The following PRSS12 variants were observed in gnomAD, a reference collection of about 807,000 sequenced individuals.
PRSS12 encodes the protein neurotrypsin.
A neutral mutation model predicts 104.4 loss-of-function variants in PRSS12; 85 were observed. That is an observed-to-expected ratio of 0.81 (90% CI 0.68 to 0.98). PRSS12 has a LOEUF of 0.98. Among genes scored for constraint, PRSS12 ranks in the 50% least tolerant of loss-of-function variants. PRSS12 has a pLI of 0.00. For synonymous variants in PRSS12, 454 were observed against 425.2 expected (o/e 1.07, Z -0.83); for missense variants, 1,141 against 1,139.2 (o/e 1.00, Z -0.02).
intron 7 of PRSS12, among the ~76,000 whole-genome samples, chr4:118,309,882 T>A (rs1313120608): frequency 6.6e-6 from 1 of 152,228 alleles, no homozygotes; most frequent in Non-Finnish European, 1.5e-5. Flanking sequence ...TCTATTTTTA[T>A]TCTTCTGACC....
chr4:118,307,120 T>A (rs992600744), intron 8 of PRSS12, among the ~76,000 whole-genome samples: 1 of 152,150 alleles, frequency 6.6e-6, no homozygotes, highest in Admixed American at 6.6e-5. Context: ...CAAAAGAAGT[T>A]TAAAATTAAC....
intron 8 of PRSS12, chr4:118,305,802 T>C (rs1178175697): frequency 6.6e-6 from 1 of 152,152 alleles, no homozygotes; most frequent in Non-Finnish European, 1.5e-5. Context: ...AAAAATAATT[T>C]CCCATTTTCT....
intron 1 of PRSS12, among the ~76,000 whole-genome samples, chr4:118,340,705 G>C (rs1297454273): frequency 6.6e-6 from 1 of 152,182 alleles, no homozygotes; most frequent in Non-Finnish European, 1.5e-5. Context: ...ATACTATTAG[G>C]ATAAAAGGCA....
chr4:118,301,569 G>A (rs1018369483), intron 8 of PRSS12, among the ~76,000 whole-genome samples: 6 of 151,232 alleles, frequency 4.0e-5, no homozygotes, highest in Non-Finnish European at 8.8e-5. Context: ...AGTATTTAAT[G>A]TATAAATTTA....
At chr4:118,316,837 A>AAAAAATATATATATATATATATAT (rs35698159) in intron 5 of PRSS12, among the ~76,000 whole-genome samples, 4 of 99,190 alleles carry the variant, frequency 4.0e-5, no homozygotes, top group African/African-American at 1.4e-4. Flanking sequence ...AAAAAAAAAA[A>AAAAAATATATATATATATATATAT]ATATATATAT....
intron 1 of PRSS12, among the ~76,000 whole-genome samples, chr4:118,345,363 T>C (rs1334671738): frequency 6.6e-6 from 1 of 152,108 alleles, no homozygotes; most frequent in Non-Finnish European, 1.5e-5. Context: ...GAGACTGCCC[T>C]GGAAAAGGAA....
chr4:118,344,770 T>C (rs889015103), intron 1 of PRSS12, among the ~76,000 whole-genome samples: 1 of 152,206 alleles, frequency 6.6e-6, no homozygotes, highest in African/African-American at 2.4e-5. Context: ...TTATAAATTA[T>C]TCCTTAGTTT....
chr4:118,319,490 T>C (rs367922349), intron 4 of PRSS12, among the ~76,000 whole-genome samples: 15 of 152,162 alleles, frequency 9.9e-5, no homozygotes, highest in Non-Finnish European at 1.3e-4. Context: ...TAGGGTCCCA[T>C]ACTAAGGATG....
intron 7 of PRSS12, among the ~76,000 whole-genome samples, chr4:118,309,046 T>C (rs555742577): frequency 1.7e-4 from 26 of 151,994 alleles, no homozygotes; most frequent in African/African-American, 6.0e-4. Context: ...GCATTCATAG[T>C]TGGGTAACTT....
intron 4 of PRSS12, among the ~76,000 whole-genome samples, chr4:118,321,630 C>T (rs1026544576): frequency 6.6e-6 from 1 of 152,122 alleles, no homozygotes; most frequent in Non-Finnish European, 1.5e-5. Flanking sequence ...TTAAGGAATC[C>T]CCACGTACCC....
intron 7 of PRSS12, 39 bp downstream of exon 7, chr4:118,313,162 C>A (rs769800514): frequency 6.2e-7 from 1 of 1,607,192 alleles, no homozygotes; most frequent in Non-Finnish European, 8.5e-7. Context: ...GCAATGGCTA[C>A]TGAATGATGG....
At chr4:118,334,389 T>C (rs959917631) in intron 3 of PRSS12, among the ~76,000 whole-genome samples, 8 of 152,142 alleles carry the variant, frequency 5.3e-5, no homozygotes, top group African/African-American at 1.7e-4. Context: ...AGGTTGAGCA[T>C]AGAGTAAAAC....
chr4:118,333,523 G>A (rs1723978417), intron 3 of PRSS12, among the ~76,000 whole-genome samples: 1 of 152,110 alleles, frequency 6.6e-6, no homozygotes, highest in African/African-American at 2.4e-5. Context: ...ATAAAGACAG[G>A]TTTAATATAT....
rs1743910094 is a variant in PRSS12, at chr4:118,316,316, G to C, written c.1158C>G (p.Val386=). The change falls in exon 6 of 13, where the codon GTC becomes GTG. Residue 386 remains valine (V), a synonymous_variant. Transcript: ENST00000296498. ...TGCCTTTCCCACCTGCAAGTCTGAT[G>C]ACCCCATCTGTGATAAAGAGGAGAC... The part of the protein sequence containing the change: ...GVSCTPLTDG[V]IRLAGGKGSH... 2 of 1,613,722 alleles carry C rather than the reference G, an allele frequency of 1.2e-6. No homozygotes were observed. The highest frequency in any genetic ancestry group is 1.7e-6 in the Non-Finnish European group (2 of 1,179,986).
chr4:118,305,071 C>T (rs1295339570), intron 8 of PRSS12, among the ~76,000 whole-genome samples: 1 of 150,288 alleles, frequency 6.7e-6, no homozygotes, highest in Non-Finnish European at 1.5e-5. Context: ...AAAAAAGATC[C>T]TCGGCACTAG....
chr4:118,282,024 C>A lies in PRSS12; in HGVS notation c.2540G>T (p.Gly847Val), dbSNP rs963868288. 6.2e-7 allele frequency: 1 copy of A among 1,612,346 alleles called. No homozygotes were observed. Residue 847 changes from glycine to valine, a missense_variant, in exon 13 of 13, where the codon GGG becomes GTG. Transcript: ENST00000296498. The part of the protein sequence containing the change: ...SWVVYGVTSW[G>V]YGCGVKDSPG... ...AGAATCCTTGACTCCACAGCCATAC[C>A]CCCAGGAGGTCACCCCATACACCAC...
chr4:118,285,317 A>T (rs1742989444), intron 11 of PRSS12, among the ~76,000 whole-genome samples: 1 of 152,200 alleles, frequency 6.6e-6, no homozygotes, highest in Non-Finnish European at 1.5e-5. Context: ...AAAAAGTAAT[A>T]GGCATGGAGA....
intron 1 of PRSS12, among the ~76,000 whole-genome samples, chr4:118,341,861 A>G (rs1039595810): frequency 1.3e-5 from 2 of 152,348 alleles, no homozygotes; most frequent in East Asian, 3.9e-4. Context: ...ACCCTGAAAT[A>G]CAATAAGTAC....
At chr4:118,318,584 C>T in intron 4 of PRSS12, 28 bp from the exon 5 acceptor site, 1 of 1,607,286 alleles carries the variant, frequency 6.2e-7, no homozygotes, top group Non-Finnish European at 8.5e-7. Context: ...TGTAAGGATT[C>T]TGGATTAGAT....
Sources: allele counts gnomAD v4.1 joint callset (sites outside exome capture counted in the v4.1 genomes callset), GRCh38; gene constraint gnomAD v4.1.1; transcripts MANE v1.5; gene names NCBI Gene and HGNC (gene_info 2026-07-23, HGNC 2026-07-21).